BRINP1: variants seen among roughly 807,000 people sequenced by gnomAD.
BRINP1 encodes the protein BMP/retinoic acid-inducible neural-specific protein 1.
Under a neutral mutation model 72.9 loss-of-function variants are expected in BRINP1, and 17 were observed. The observed-to-expected ratio is 0.23, with a 90% CI of 0.16 to 0.35. BRINP1 has a LOEUF of 0.35. Among genes scored for constraint, BRINP1 ranks in the 10% least tolerant of loss-of-function variants. BRINP1 has a pLI of 1.00. For synonymous variants in BRINP1, 418 were observed against 378.5 expected, an observed-to-expected ratio of 1.10 and a Z score of -1.21; for missense variants, 850 against 1,001.6, an observed-to-expected ratio of 0.85 and a Z score of 2.04.
In BRINP1 at chr9:119,168,205, C is replaced by T. The variant is rs568736972; in HGVS notation, c.1165G>A (p.Ala389Thr). 2 of 1,518,078 alleles carry T rather than the reference C, an allele frequency of 1.3e-6. No individual in the cohort carries two copies. The highest frequency in any genetic ancestry group is 2.1e-5 in the Admixed American group (1 of 46,616). 94.0% of individuals were successfully genotyped at this position (1,518,078 alleles called of 1,614,324 possible). ...CAGTAGAGGAGTGACTGGACCCTTG[C>T]AAGCCACTGCTGAATTGTCCTGGGA... ...PRERTIQQWLARVQSLLYCNE... is the reference protein window; with the variant it reads ...PRERTIQQWLTRVQSLLYCNE... The change falls in exon 8 of 8, where the codon GCA becomes ACA. Residue 389 changes from alanine (A) to threonine (T), a missense_variant. Transcript: ENST00000265922.
At chr9:119,338,475 T>C (rs1443194957) in intron 1 of BRINP1, among the ~76,000 whole-genome samples, 2 of 151,528 alleles carry the variant, frequency 1.3e-5, no homozygotes, top group Non-Finnish European at 2.9e-5. Flanking sequence ...TCACGGCCTC[T>C]CCCGGGACAC....
At chr9:119,192,761 A>G (rs185919984) in intron 7 of BRINP1, among the ~76,000 whole-genome samples, 6 of 152,290 alleles carry the variant, frequency 3.9e-5, no homozygotes, top group Admixed American at 3.9e-4. Context: ...TTCCCAAAGG[A>G]GATGAAATCA....
intron 1 of BRINP1, among the ~76,000 whole-genome samples, chr9:119,337,176 T>C (rs1478535355): frequency 6.6e-6 from 1 of 152,174 alleles, no homozygotes; most frequent in Non-Finnish European, 1.5e-5. Context: ...CTAACATTGA[T>C]TCCATCTTGT....
At chr9:119,274,950 T>C (rs1364080405) in intron 2 of BRINP1, among the ~76,000 whole-genome samples, 1 of 152,184 alleles carries the variant, frequency 6.6e-6, no homozygotes, top group East Asian at 1.9e-4. Flanking sequence ...TTAATGTATG[T>C]TAACATTATT....
At chr9:119,333,157 T>G (rs906616472) in intron 1 of BRINP1, among the ~76,000 whole-genome samples, 1 of 151,680 alleles carries the variant, frequency 6.6e-6, no homozygotes, top group African/African-American at 2.4e-5. Context: ...TCAAGCAGTC[T>G]CTGACTTTAA....
intron 1 of BRINP1, among the ~76,000 whole-genome samples, chr9:119,328,163 G>T (rs1366115770): frequency 6.6e-6 from 1 of 152,170 alleles, no homozygotes; most frequent in African/African-American, 2.4e-5. Flanking sequence ...ACAAAGCCAG[G>T]GGAGCAGGGG....
At chr9:119,336,556 G>A (rs1831346833) in intron 1 of BRINP1, among the ~76,000 whole-genome samples, 1 of 152,158 alleles carries the variant, frequency 6.6e-6, no homozygotes, top group Non-Finnish European at 1.5e-5. Context: ...GGAGTGAAAT[G>A]TGGGAGAGAG....
At chr9:119,225,586 G>C (rs1830081781) in intron 5 of BRINP1, among the ~76,000 whole-genome samples, 1 of 151,770 alleles carries the variant, frequency 6.6e-6, no homozygotes, top group African/African-American at 2.4e-5. Context: ...TTTTTAAATA[G>C]TCTCTATCTG....
At chr9:119,191,927 G>C (rs1315216735) in intron 7 of BRINP1, among the ~76,000 whole-genome samples, 2 of 151,834 alleles carry the variant, frequency 1.3e-5, no homozygotes, top group African/African-American at 4.8e-5. Flanking sequence ...GAACACAATT[G>C]AGAGCCCAGA....
At chr9:119,339,508 G>A (rs1831386805) in intron 1 of BRINP1, among the ~76,000 whole-genome samples, 1 of 152,202 alleles carries the variant, frequency 6.6e-6, no homozygotes, top group Non-Finnish European at 1.5e-5. Flanking sequence ...ACAATGCCTA[G>A]CACATAGTGT....
intron 7 of BRINP1, among the ~76,000 whole-genome samples, chr9:119,188,783 T>TA (rs1484349965): frequency 2.6e-5 from 4 of 151,534 alleles, no homozygotes; most frequent in Admixed American, 6.6e-5. Context: ...TCCCCATCTT[T>TA]AAAAAAAATG....
rs1430028936 is a variant in BRINP1, at chr9:119,180,478, CATGTGT to C, written c.1146-12260_1146-12255del. The stretch of plus-strand genomic sequence containing the variant: ...TGTGCTGTGTGTGACTCTCTCTGTG[CATGTGT>C]GTGTGTGTGTGTGTGTGTGTGTGTG... On this transcript the variant is annotated intron_variant, in intron 7 of 7. Transcript: ENST00000265922. 1.2e-3 allele frequency among the ~76,000 whole-genome samples: 142 copies of C among 120,390 alleles called. 1 individual carries two copies. Among genetic ancestry groups the C allele is most frequent in the African/African-American group, 3.2e-3 (105 of 33,074 alleles). The allele number at this position is 120,390 out of a possible 152,430, so 79.0% of individuals were successfully genotyped here. A position where few individuals can be genotyped will look rare whatever the true frequency, so the allele number is the denominator to read the frequency against.
At chr9:119,189,146 C>A (rs1829657225) in intron 7 of BRINP1, among the ~76,000 whole-genome samples, 1 of 151,580 alleles carries the variant, frequency 6.6e-6, no homozygotes, top group Admixed American at 6.6e-5. Context: ...ATGTAAGCCT[C>A]ACAGTAACTA....
At chr9:119,359,252 G>A (rs1831604351) in intron 1 of BRINP1, among the ~76,000 whole-genome samples, 1 of 152,124 alleles carries the variant, frequency 6.6e-6, no homozygotes, top group South Asian at 2.1e-4. Flanking sequence ...GAATTGCAGT[G>A]GCATGATCAC....
intron 2 of BRINP1, 109 bp downstream of exon 2, chr9:119,313,029 A>G: frequency 7.9e-7 from 1 of 1,267,496 alleles, no homozygotes; most frequent in Non-Finnish European, 1.1e-6. Context: ...AGGAGCACAG[A>G]CCCTTGACCC....
At chr9:119,231,779 A>T (rs562318311) in intron 5 of BRINP1, among the ~76,000 whole-genome samples, 64 of 151,226 alleles carry the variant, frequency 4.2e-4, no homozygotes, top group African/African-American at 1.5e-3. Flanking sequence ...TTTTCTGGCC[A>T]CTCTCCAGCT....
chr9:119,218,578 A>T (rs905147364), intron 5 of BRINP1, among the ~76,000 whole-genome samples: 2 of 152,060 alleles, frequency 1.3e-5, no homozygotes, highest in Non-Finnish European at 2.9e-5. Context: ...TTTAAAAATC[A>T]GGTGACCTGG....
At position 119,289,166 on chromosome 9, in the gene BRINP1, A is replaced by G. The variant is rs763647907; in HGVS notation, c.218+23972T>C. 3.2e-4 allele frequency among the ~76,000 whole-genome samples: 48 copies of G among 152,270 alleles called. 1 individual carries two copies. Among genetic ancestry groups the G allele is most frequent in the Non-Finnish European group, 6.2e-4 (42 of 68,054 alleles). On this transcript the variant is annotated intron_variant, in intron 2 of 7. Transcript: ENST00000265922. Reference sequence around the variant, plus strand: ...AAGCAGAGCACGGAGATCAAGGAGAAAGAGCATTCTAAAGCAAAAGAACAG... The same window carrying G: ...AAGCAGAGCACGGAGATCAAGGAGAGAGAGCATTCTAAAGCAAAAGAACAG...
At chr9:119,333,462 CAAAA>C (rs544546221) in intron 1 of BRINP1, among the ~76,000 whole-genome samples, 5 of 67,952 alleles carry the variant, frequency 7.4e-5, no homozygotes, top group Non-Finnish European at 1.2e-4. Context: ...GACCTTGTTT[CAAAA>C]AAAAAAAAAA....
Sources: gnomAD v4.1 joint callset for allele counts (sites outside exome capture counted in the v4.1 genomes callset) on GRCh38, gnomAD v4.1.1 for gene constraint, MANE v1.5 for transcripts, NCBI Gene and HGNC (gene_info 2026-07-23, HGNC 2026-07-21) for gene names.